The following SYK variants were observed in gnomAD, a reference collection of about 807,000 sequenced individuals.
The protein encoded by SYK is spleen associated tyrosine kinase.
Under a neutral mutation model 77.8 loss-of-function variants are expected in SYK, and 16 were observed. The observed-to-expected ratio is 0.21, with a 90% confidence interval of 0.14 to 0.31. SYK has a LOEUF of 0.31. Among genes scored for constraint, SYK ranks in the 10% least tolerant of loss-of-function variants. SYK has a pLI of 1.00. For missense variants in SYK, 529 were observed against 814.4 expected (o/e 0.65, Z 4.26); for synonymous variants, 312 against 308.7 (o/e 1.01, Z -0.11).
chr9:90,887,279 A>T (rs1828613585), intron 11 of SYK, among the ~76,000 whole-genome samples: 1 of 152,096 alleles, frequency 6.6e-6, no homozygotes, highest in Non-Finnish European at 1.5e-5. Flanking sequence ...TCCATTGTCT[A>T]TATAGAGGGT....
rs1828961925 is a variant in SYK at position 90,895,819 on chromosome 9, G to A, written c.*219G>A. On this transcript the variant is annotated 3_prime_UTR_variant, in exon 14 of 14. Coordinates refer to ENST00000375754, the MANE Select transcript of SYK (RefSeq NM_003177.7). The surrounding 1 kb of genome is among the most constrained non-coding windows in gnomAD (Gnocchi z 4.4). ...AAAAGACGGATGGCAGGATCCAAGG[G>A]GCTAGCTGGATTTGTTTGTTTTCTT... 1 of 531,114 alleles carries A rather than the reference G, an allele frequency of 1.9e-6. No homozygotes were observed. The highest frequency in any genetic ancestry group is 2.5e-5 in the South Asian group (1 of 39,896). The allele number at this position is 531,114 out of a possible 1,614,324, so 32.9% of individuals were successfully genotyped here.
At chr9:90,847,024 C>T (rs569271043) in intron 3 of SYK, among the ~76,000 whole-genome samples, 2 of 152,350 alleles carry the variant, frequency 1.3e-5, no homozygotes, top group East Asian at 1.9e-4. Context: ...GCCTCTTTGG[C>T]CACGAAGCTG....
At chr9:90,856,242 T>G (rs1039484108) in intron 3 of SYK, among the ~76,000 whole-genome samples, 1 of 152,218 alleles carries the variant, frequency 6.6e-6, no homozygotes, top group East Asian at 1.9e-4. Flanking sequence ...TTAAGTAATG[T>G]GTATAAAGCT....
At chr9:90,848,185 TACA>T (rs1389143781) in intron 3 of SYK, among the ~76,000 whole-genome samples, 1 of 152,240 alleles carries the variant, frequency 6.6e-6, no homozygotes, top group Non-Finnish European at 1.5e-5. Flanking sequence ...CATCCCTGAA[TACA>T]ACGTCTCCCA....
chr9:90,812,020 C>T (rs1675322), intron 1 of SYK, among the ~76,000 whole-genome samples: 117,849 of 151,350 alleles, frequency 0.78, 46,285 homozygotes, highest in East Asian at 0.99. Flanking sequence ...ACTACTTATA[C>T]ATGCATTTCT....
At chr9:90,802,815 T>TAAAAA (rs58269380) in intron 1 of SYK, among the ~76,000 whole-genome samples, 32 of 58,674 alleles carry the variant, frequency 5.5e-4, no homozygotes, top group South Asian at 1.5e-3. Context: ...CAGCGTGTAG[T>TAAAAA]AAAAAAAAAA....
At chr9:90,894,049 C>T (rs62554377) in intron 13 of SYK, among the ~76,000 whole-genome samples, 1 of 152,182 alleles carries the variant, frequency 6.6e-6, no homozygotes, top group African/African-American at 2.4e-5. Context: ...TTCCTGAGGA[C>T]GAGTCTGTAT....
intron 2 of SYK, 128 bp downstream of exon 2, chr9:90,844,443 C>A (rs1826502221): frequency 8.5e-7 from 1 of 1,180,336 alleles, no homozygotes; most frequent in Non-Finnish European, 1.1e-6. Flanking sequence ...TCTCCTTAAG[C>A]ATCAATTTTG....
At chr9:90,887,532 A>G (rs551495036) in intron 11 of SYK, among the ~76,000 whole-genome samples, 2 of 150,784 alleles carry the variant, frequency 1.3e-5, no homozygotes, top group East Asian at 3.9e-4. Context: ...CAGCCTCCCA[A>G]GTAGCTGGAA....
At chr9:90,891,478 G>T (rs1299242353) in intron 13 of SYK, among the ~76,000 whole-genome samples, 1 of 152,030 alleles carries the variant, frequency 6.6e-6, no homozygotes, top group Non-Finnish European at 1.5e-5. Context: ...AATATCCCTG[G>T]CTCCAGGGAT....
chr9:90,874,727 G>A lies in SYK; in HGVS notation c.1059G>A (p.Ala353=), dbSNP rs377587992. The A allele has an allele frequency of 2.4e-5, 38 of 1,613,970 alleles. No homozygotes were observed. Among genetic ancestry groups the A allele is most frequent in the South Asian group, 8.8e-5 (8 of 91,068 alleles). ...MDTEVYESPY[A]DPEEIRPKEV... ...CAGAGGTGTACGAGAGCCCCTACGC[G>A]GACCCCGAGGAGATCAGGCCCAAGG... is the stretch of plus-strand genomic sequence containing the variant. The change falls in exon 9 of 14, where the codon GCG becomes GCA. Residue 353 remains alanine, a synonymous_variant. Coordinates refer to ENST00000375754, the MANE Select transcript of SYK (RefSeq NM_003177.7).
chr9:90,852,900 A>G (rs1826873184), intron 3 of SYK, among the ~76,000 whole-genome samples: 1 of 152,256 alleles, frequency 6.6e-6, no homozygotes, highest in Admixed American at 6.5e-5. Flanking sequence ...TGCAGGGGGA[A>G]GATGACAAAC....
In SYK at chr9:90,866,246, C is replaced by T. The variant is rs201807290; in HGVS notation, c.847-885C>T. Among the ~76,000 whole-genome samples the T allele has an allele frequency of 7.9e-5, 12 of 152,280 alleles. No individual in the cohort carries two copies. The East Asian group carries it at 2.1e-3, about 27-fold the overall frequency. On this transcript the variant is annotated intron_variant, in intron 6 of 13. Transcript: ENST00000375754. ...TAATGCCATCTGTGAAGTGCGCCCT[C>T]TGCACCTCACTTTTTGCCTGGTAAC...
chr9:90,866,904 T>C (rs899740798), intron 6 of SYK, among the ~76,000 whole-genome samples: 1 of 152,012 alleles, frequency 6.6e-6, no homozygotes, highest in African/African-American at 2.4e-5. Context: ...TAGCCTTCAG[T>C]GGAACATATT....
chr9:90,860,560 G>A (rs1292560724), intron 3 of SYK, among the ~76,000 whole-genome samples: 3 of 152,136 alleles, frequency 2.0e-5, no homozygotes, highest in Non-Finnish European at 2.9e-5. Flanking sequence ...GGAAGAAGAG[G>A]TTGTTCTCAC....
At position 90,822,433 on chromosome 9, in the gene SYK, T is replaced by C. The variant is rs932826716; in HGVS notation, c.-42+20540T>C. On this transcript the variant is annotated intron_variant, in intron 1 of 13. Coordinates refer to ENST00000375754, the MANE Select transcript of SYK (RefSeq NM_003177.7). ...GCAGTCTCATCAATGTGATATTTCG[T>C]TTAAACTTAGTAGCAAGCCCATTGA... Among the ~76,000 whole-genome samples, 14 of 152,188 alleles carry C rather than the reference T, an allele frequency of 9.2e-5. 1 individual carries two copies. Among genetic ancestry groups the C allele is most frequent in the Admixed American group, 7.2e-4 (11 of 15,280 alleles).
At chr9:90,813,928 C>A (rs1037207651) in intron 1 of SYK, among the ~76,000 whole-genome samples, 1 of 152,136 alleles carries the variant, frequency 6.6e-6, no homozygotes, top group Non-Finnish European at 1.5e-5. Flanking sequence ...AAGGTCACTC[C>A]CCCGGGGGGC....
chr9:90,853,970 T>C (rs965211678), intron 3 of SYK, among the ~76,000 whole-genome samples: 1 of 152,124 alleles, frequency 6.6e-6, no homozygotes, highest in African/African-American at 2.4e-5. Context: ...CAGGCCTGGA[T>C]GCCTGCAGGA....
rs758952512 is a variant in SYK at position 90,895,877 on chromosome 9, G to A, written c.*277G>A. The A allele has an allele frequency of 2.1e-5, 9 of 435,572 alleles. No individual in the cohort carries two copies. Among genetic ancestry groups the A allele is most frequent in the Middle Eastern group, 6.3e-4 (1 of 1,588 alleles). 27.0% of individuals were successfully genotyped at this position (435,572 alleles called of 1,614,324 possible). ...TGATTTTCATACAGGTTATTTTTAC[G>A]ATCTGTTTCCAAATCCCTTTCATGT... On this transcript the variant is annotated 3_prime_UTR_variant, in exon 14 of 14. Transcript: ENST00000375754. The surrounding 1 kb of genome is among the most constrained non-coding windows in gnomAD (Gnocchi z 4.4).
Sources: gnomAD v4.1 joint callset for allele counts (sites outside exome capture counted in the v4.1 genomes callset) on GRCh38, gnomAD v4.1.1 for gene constraint, Gnocchi (gnomAD v3.1) non-coding constraint, MANE v1.5 for transcripts, NCBI Gene and HGNC (gene_info 2026-07-23, HGNC 2026-07-21) for gene names.